Variants in WNT7A observed in about 807,000 individuals in gnomAD.
The protein encoded by WNT7A is protein Wnt-7a.
Under a neutral mutation model 28.2 loss-of-function variants are expected in WNT7A, and 16 were observed. The ratio of observed to expected loss-of-function variants is 0.57; its 90% CI spans 0.38 to 0.86. The LOEUF (loss-of-function observed/expected upper bound fraction) is 0.86. WNT7A is among the 40% of genes least tolerant of loss of function. The pLI is 0.00. For missense variants in WNT7A, 411 were observed against 489.7 expected, an observed-to-expected ratio of 0.84 and a Z score of 1.52; for synonymous variants, 190 against 195.9, an observed-to-expected ratio of 0.97 and a Z score of 0.25.
intron 3 of WNT7A, among the ~76,000 whole-genome samples, chr3:13,842,285 A>G (rs1409813506): frequency 7.9e-5 from 12 of 152,164 alleles, no homozygotes; most frequent in African/African-American, 2.4e-4. Flanking sequence ...CTGTCGTGCC[A>G]CTGCAGGGGA....
chr3:13,855,998 C>T (rs573094888), intron 2 of WNT7A, among the ~76,000 whole-genome samples: 1 of 152,184 alleles, frequency 6.6e-6, no homozygotes, highest in Non-Finnish European at 1.5e-5. Context: ...CACCCACCTT[C>T]TCATTCACCT....
At chr3:13,820,540 C>G (rs993157141) in intron 3 of WNT7A, among the ~76,000 whole-genome samples, 2 of 152,142 alleles carry the variant, frequency 1.3e-5, no homozygotes, top group Non-Finnish European at 2.9e-5. Flanking sequence ...TGCTTCTTCT[C>G]CAGGTCTCAG....
In WNT7A at chr3:13,819,103, C is replaced by T. The variant is rs748441283; in HGVS notation, c.891G>A (p.Thr297=). ...GGTCACAGCCGCTGGCCTGGGGAGCCGTCTTGTTGCAGGCGCGGCCCTGGG... is the reference window on the plus strand; with the variant it reads ...GGTCACAGCCGCTGGCCTGGGGAGCTGTCTTGTTGCAGGCGCGGCCCTGGG... ...VGTQGRACNK[T]APQASGCDLM... The change falls in exon 4 of 4, where the codon ACG becomes ACA. Residue 297 remains threonine (T), a synonymous_variant. Coordinates refer to ENST00000285018, the MANE Select transcript of WNT7A (RefSeq NM_004625.4). The T allele has an allele frequency of 1.1e-5, 17 of 1,614,010 alleles. No individual in the cohort carries two copies. Among genetic ancestry groups the T allele is most frequent in the East Asian group, 2.2e-5 (1 of 44,896 alleles).
At chr3:13,870,019 C>T (rs183932709) in intron 2 of WNT7A, among the ~76,000 whole-genome samples, 42 of 152,240 alleles carry the variant, frequency 2.8e-4, no homozygotes, top group African/African-American at 9.9e-4. Flanking sequence ...TTTCTCCCCA[C>T]CCTCCAAGTC....
Position 13,821,974 on chromosome 3 carries a change from C to T in WNT7A, c.571-2551G>A, listed in dbSNP as rs113323342. Among the ~76,000 whole-genome samples, 1,014 of 152,304 alleles carry T rather than the reference C, an allele frequency of 6.7e-3. 9 individuals are homozygous for T. The highest frequency in any genetic ancestry group is 0.023 in the African/African-American group (947 of 41,554). On this transcript the variant is annotated intron_variant, in intron 3 of 3. Coordinates refer to ENST00000285018, the MANE Select transcript of WNT7A (RefSeq NM_004625.4). ...AAAATGCAATGGATACAATCAATGG[C>T]CAACAAGCACATGAGAAGATGTTCA...
intron 3 of WNT7A, among the ~76,000 whole-genome samples, chr3:13,838,570 G>C (rs976727572): frequency 3.9e-5 from 6 of 152,324 alleles, no homozygotes; most frequent in South Asian, 2.1e-4. Flanking sequence ...GCTGCTGTTG[G>C]GGCTGGCTCA....
intron 3 of WNT7A, among the ~76,000 whole-genome samples, chr3:13,853,260 G>A (rs1370265365): frequency 4.6e-5 from 7 of 152,180 alleles, no homozygotes; most frequent in Non-Finnish European, 1.0e-4. Flanking sequence ...AGAAAGCCAC[G>A]GAACAAGGCA....
chr3:13,847,545 G>A (rs1251371503), intron 3 of WNT7A, among the ~76,000 whole-genome samples: 1 of 152,144 alleles, frequency 6.6e-6, no homozygotes, highest in Non-Finnish European at 1.5e-5. Flanking sequence ...ACTGTCCCGA[G>A]GCCACCGTCC....
intron 1 of WNT7A, 109 bp from the exon 2 acceptor site, chr3:13,875,282 T>G: frequency 8.9e-7 from 1 of 1,118,702 alleles, no homozygotes; most frequent in Non-Finnish European, 1.3e-6. Flanking sequence ...CCAGCAGTGG[T>G]CTCCCAACTT....
intron 2 of WNT7A, among the ~76,000 whole-genome samples, chr3:13,860,430 G>A (rs952371878): frequency 1.3e-5 from 2 of 152,226 alleles, no homozygotes; most frequent in African/African-American, 2.4e-5. Context: ...ATGGCATTCA[G>A]TTGTTATCAA....
intron 2 of WNT7A, among the ~76,000 whole-genome samples, chr3:13,874,523 C>T (rs911701935): frequency 2.0e-5 from 3 of 152,106 alleles, no homozygotes; most frequent in Non-Finnish European, 4.4e-5. Flanking sequence ...TTCACTGCTG[C>T]AACTAAAGGG....
At chr3:13,856,893 A>AAGAAGAAGAAG (rs1694742752) in intron 2 of WNT7A, among the ~76,000 whole-genome samples, 7 of 73,290 alleles carry the variant, frequency 9.6e-5, no homozygotes, top group Admixed American at 4.2e-4. Flanking sequence ...AGAAGAAGAA[A>AAGAAGAAGAAG]AAGAAGAAGA....
intron 3 of WNT7A, among the ~76,000 whole-genome samples, chr3:13,830,631 C>T (rs561802477): frequency 6.6e-6 from 1 of 152,080 alleles, no homozygotes; most frequent in African/African-American, 2.4e-5. Context: ...ACTTTTACAC[C>T]CTGGACTCCC....
chr3:13,856,926 G>T (rs928301620), intron 2 of WNT7A, among the ~76,000 whole-genome samples: 1 of 112,726 alleles, frequency 8.9e-6, no homozygotes, highest in Admixed American at 9.1e-5. Context: ...AGAAGAAGAA[G>T]AAGAAGAAGA....
intron 2 of WNT7A, among the ~76,000 whole-genome samples, chr3:13,864,090 G>A (rs1158985498): frequency 6.6e-6 from 1 of 152,152 alleles, no homozygotes; most frequent in African/African-American, 2.4e-5. Context: ...GTACCAAACA[G>A]GAGGTCGTGA....
chr3:13,877,352 G>T (rs9870638), intron 1 of WNT7A: 41,175 of 152,006 alleles, frequency 0.27, 6,881 homozygotes, highest in African/African-American at 0.47. Context: ...GCTTTGCACT[G>T]GCATCTCAGC....
chr3:13,830,704 G>A (rs989506576), intron 3 of WNT7A, among the ~76,000 whole-genome samples: 1 of 152,156 alleles, frequency 6.6e-6, no homozygotes, highest in Admixed American at 6.5e-5. Context: ...GCGCCTGCCA[G>A]GAGGCCCCTT....
At chr3:13,871,030 C>A (rs774663188) in intron 2 of WNT7A, among the ~76,000 whole-genome samples, 3 of 152,232 alleles carry the variant, frequency 2.0e-5, no homozygotes, top group Non-Finnish European at 4.4e-5. Flanking sequence ...AGAACTCTTC[C>A]TCTTCAGTCA....
At chr3:13,851,357 C>A (rs1229062785) in intron 3 of WNT7A, among the ~76,000 whole-genome samples, 1 of 152,242 alleles carries the variant, frequency 6.6e-6, no homozygotes, top group Admixed American at 6.5e-5. Flanking sequence ...CTCGGCCACA[C>A]GGAGCCCCCA....
Sources: gnomAD v4.1 joint callset for allele counts (sites outside exome capture counted in the v4.1 genomes callset) on GRCh38, gnomAD v4.1.1 for gene constraint, MANE v1.5 for transcripts, NCBI Gene and HGNC (gene_info 2026-07-23, HGNC 2026-07-21) for gene names.